HSDL2: variants seen among roughly 807,000 people sequenced by gnomAD.
HSDL2 encodes the protein hydroxysteroid dehydrogenase-like protein 2.
In HSDL2, 27 loss-of-function variants were observed where a neutral mutation model predicts 46.3. The observed-to-expected ratio is 0.58, with a 90% confidence interval of 0.43 to 0.80. HSDL2 has a LOEUF of 0.80. HSDL2 is among the 30% of genes least tolerant of loss of function. HSDL2 has a pLI of 0.00. For synonymous variants in HSDL2, 153 were observed against 163.6 expected (o/e 0.94, Z 0.50); for missense variants, 451 against 502.7 (o/e 0.90, Z 0.98).
intron 6 of HSDL2, among the ~76,000 whole-genome samples, chr9:112,421,893 A>G (rs1470075188): frequency 6.6e-6 from 1 of 152,182 alleles, no homozygotes; most frequent in Non-Finnish European, 1.5e-5. Context: ...TGATTCTGTA[A>G]GAGAAGGAAC....
intron 10 of HSDL2, 67 bp downstream of exon 10, chr9:112,459,644 A>C: frequency 7.4e-7 from 1 of 1,354,166 alleles, no homozygotes; most frequent in Non-Finnish European, 1.0e-6. Context: ...ATTTTGCTTT[A>C]TCCCTTCCCA....
At chr9:112,432,366 T>C (rs1212714700) in intron 6 of HSDL2, among the ~76,000 whole-genome samples, 1 of 152,240 alleles carries the variant, frequency 6.6e-6, no homozygotes, top group Non-Finnish European at 1.5e-5. Flanking sequence ...AGTGTCTTCT[T>C]TGCTAGAATG....
chr9:112,463,083 T>G (rs921452379), intron 10 of HSDL2, among the ~76,000 whole-genome samples: 1 of 151,354 alleles, frequency 6.6e-6, no homozygotes, highest in African/African-American at 2.5e-5. Context: ...TACCACATGT[T>G]GTTTATTCAC....
chr9:112,441,629 A>G, intron 7 of HSDL2, 70 bp from the exon 8 acceptor site: 2 of 1,012,328 alleles, frequency 2.0e-6, no homozygotes, highest in Non-Finnish European at 3.0e-6. Flanking sequence ...AGATATGTTT[A>G]TTAAACAGAT....
chr9:112,453,394 CTTTTA>C lies in HSDL2; in HGVS notation c.866-615_866-611del, dbSNP rs1832935411. On this transcript the variant is annotated intron_variant, in intron 8 of 10. Coordinates refer to ENST00000398805, the MANE Select transcript of HSDL2 (RefSeq NM_032303.5). ...CCAGTAGTTGTGTTTAGGTCTGTTTCTTTTATTTATTTTTTTGAGACAGGGTCTCC... is the reference window on the plus strand; with the variant it reads ...CCAGTAGTTGTGTTTAGGTCTGTTTCTTTATTTTTTTGAGACAGGGTCTCC... Among the ~76,000 whole-genome samples, 3 of 152,094 alleles carry C rather than the reference CTTTTA, an allele frequency of 2.0e-5. No individual in the cohort carries two copies. In the South Asian group the frequency reaches 6.2e-4, roughly 32 times the overall value.
At chr9:112,454,444 C>T (rs1832965790) in intron 9 of HSDL2, among the ~76,000 whole-genome samples, 1 of 152,188 alleles carries the variant, frequency 6.6e-6, no homozygotes, top group African/African-American at 2.4e-5. Flanking sequence ...CCTCTGACCT[C>T]AGCCTCCCAA....
At chr9:112,444,897 A>G (rs897994882) in intron 8 of HSDL2, among the ~76,000 whole-genome samples, 3 of 120,184 alleles carry the variant, frequency 2.5e-5, no homozygotes, top group Admixed American at 2.0e-4. Context: ...TTTGGTTTAG[A>G]GACTGGGTCT....
At chr9:112,403,488 C>A (rs1406333642) in intron 1 of HSDL2, among the ~76,000 whole-genome samples, 1 of 152,184 alleles carries the variant, frequency 6.6e-6, no homozygotes, top group East Asian at 1.9e-4. Flanking sequence ...AGCTGATGGA[C>A]GTTTGAGTTG....
In HSDL2 at chr9:112,380,136, C is replaced by T. The variant is rs781449185; in HGVS notation, c.-28C>T. 1.9e-6 allele frequency: 3 copies of T among 1,560,312 alleles called. No individual in the cohort carries two copies. In the African/African-American group the frequency reaches 4.1e-5, roughly 21 times the overall value. ...TCTCTGCTCGCCGCCGCCGCTGTCG[C>T]CGCCACCTCCTCTGATCTACGAAAG... On this transcript the variant is annotated 5_prime_UTR_variant, in exon 1 of 11. Transcript: ENST00000398805.
Position 112,412,749 on chromosome 9 carries a change from G to A in HSDL2, c.395+3728G>A, listed in dbSNP as rs138821069. On this transcript the variant is annotated intron_variant, in intron 4 of 10. Coordinates refer to ENST00000398805, the MANE Select transcript of HSDL2 (RefSeq NM_032303.5). ...ATTTGGTCTACTTTCCTATATTGAGGTCATTTTTCAAAAATGAAAGTGATG... is the reference window on the plus strand; with the variant it reads ...ATTTGGTCTACTTTCCTATATTGAGATCATTTTTCAAAAATGAAAGTGATG... 3.4e-3 allele frequency among the ~76,000 whole-genome samples: 520 copies of A among 152,172 alleles called. 1 individual carries two copies. The highest frequency in any genetic ancestry group is 0.011 in the African/African-American group (436 of 41,514).
chr9:112,399,340 A>G (rs1831535293), intron 1 of HSDL2, among the ~76,000 whole-genome samples: 1 of 152,216 alleles, frequency 6.6e-6, no homozygotes, highest in Non-Finnish European at 1.5e-5. Context: ...TTCAAAGGGC[A>G]AAAAGCAGAA....
At chr9:112,449,878 C>T (rs1363809288) in intron 8 of HSDL2, among the ~76,000 whole-genome samples, 2 of 151,762 alleles carry the variant, frequency 1.3e-5, no homozygotes, top group African/African-American at 4.8e-5. Flanking sequence ...TGATTTTTAG[C>T]ATCTTCCCAG....
chr9:112,459,372 T>C (rs952055596), intron 9 of HSDL2, 77 bp from the exon 10 acceptor site: 18 of 1,473,452 alleles, frequency 1.2e-5, no homozygotes, highest in African/African-American at 2.8e-5. Context: ...TGTAAGATTA[T>C]TCTAATTGAA....
chr9:112,411,365 T>A (rs1421310393), intron 4 of HSDL2, among the ~76,000 whole-genome samples: 1 of 152,140 alleles, frequency 6.6e-6, no homozygotes, highest in Non-Finnish European at 1.5e-5. Context: ...CCATATTGAA[T>A]CCAACTGTAG....
intron 8 of HSDL2, among the ~76,000 whole-genome samples, chr9:112,450,924 C>T (rs908020722): frequency 1.3e-5 from 2 of 151,816 alleles, no homozygotes; most frequent in Admixed American, 6.6e-5. Flanking sequence ...TTTTTGAGGC[C>T]GGGTGTGGTA....
At chr9:112,404,587 G>T (rs1172776092) in intron 2 of HSDL2, among the ~76,000 whole-genome samples, 1 of 152,054 alleles carries the variant, frequency 6.6e-6, no homozygotes, top group East Asian at 1.9e-4. Context: ...GATGGGAGGG[G>T]GAGTAGGGAA....
At chr9:112,461,933 A>C (rs774620983) in intron 10 of HSDL2, among the ~76,000 whole-genome samples, 2 of 152,226 alleles carry the variant, frequency 1.3e-5, no homozygotes, top group Non-Finnish European at 2.9e-5. Flanking sequence ...GGATGAGGCC[A>C]GTCAGTTATA....
At chr9:112,435,737 G>GT (rs1224812356) in intron 6 of HSDL2, among the ~76,000 whole-genome samples, 11 of 151,884 alleles carry the variant, frequency 7.2e-5, no homozygotes, top group East Asian at 1.9e-4. Flanking sequence ...TAATTTTTCT[G>GT]TTTTTTTGAC....
At chr9:112,382,262 C>G (rs905386756) in intron 1 of HSDL2, among the ~76,000 whole-genome samples, 3 of 152,112 alleles carry the variant, frequency 2.0e-5, no homozygotes, top group Admixed American at 2.0e-4. Context: ...GAGAGTCTGT[C>G]TCAAAAAGAA....
Sources: allele counts gnomAD v4.1 joint callset (sites outside exome capture counted in the v4.1 genomes callset), GRCh38; gene constraint gnomAD v4.1.1; transcripts MANE v1.5; gene names NCBI Gene and HGNC (gene_info 2026-07-23, HGNC 2026-07-21).